The following CEP295NL variants were observed in gnomAD, a reference collection of about 807,000 sequenced individuals.
The protein encoded by CEP295NL is protein DDC8 homolog.
In CEP295NL, 3 loss-of-function variants were observed where a neutral mutation model predicts 4.6. That is an observed-to-expected ratio of 0.65 (90% CI 0.30 to 1.69). The LOEUF (loss-of-function observed/expected upper bound fraction) is 1.69, where lower values mean the gene tolerates loss of function less well. Among genes scored for constraint, CEP295NL ranks in the 40% most tolerant of loss-of-function variants. CEP295NL has a pLI of 0.10. For synonymous variants in CEP295NL, 295 were observed against 312.2 expected (o/e 0.94, Z 0.58); for missense variants, 719 against 769.0 (o/e 0.93, Z 0.77).
chr17:78,902,018 C>A, intron 1 of CEP295NL, 92 bp from the exon 2 acceptor site: 1 of 563,492 alleles, frequency 1.8e-6, no homozygotes, highest in Admixed American at 3.2e-5. Flanking sequence ...AAATACCCTC[C>A]ATGACACGCT....
rs1159726944 is a variant in CEP295NL at position 78,891,313 on chromosome 17, G to A, written c.1191C>T (p.Asp397=). Residue 397 remains aspartate, a synonymous_variant, in exon 3 of 3, where the codon GAC becomes GAT. Transcript: ENST00000322630. The surrounding 1 kb of genome is among the most constrained non-coding windows in gnomAD (Gnocchi z 4.5). ...AGTPRGKKMA[D]PEMLPAGEPR... is the part of the protein sequence containing the mutation. ...GTTCCCCGGCAGGCAGCATCTCTGGGTCTGCCATTTTCTTCCCTCTTGGGG... is the reference window on the plus strand; with the variant it reads ...GTTCCCCGGCAGGCAGCATCTCTGGATCTGCCATTTTCTTCCCTCTTGGGG... 4.5e-6 allele frequency: 7 copies of A among 1,550,326 alleles called. No homozygotes were observed. The highest frequency in any genetic ancestry group is 2.0e-5 in the Admixed American group (1 of 50,968).
At chr17:78,894,086 A>G (rs1385926254) in intron 2 of CEP295NL, among the ~76,000 whole-genome samples, 1 of 152,176 alleles carries the variant, frequency 6.6e-6, no homozygotes, top group Non-Finnish European at 1.5e-5. Context: ...GTCAGAAAAT[A>G]CTGCATCTAC....
At position 78,891,234 on chromosome 17, in the gene CEP295NL, T is replaced by A; in HGVS notation, c.1270A>T (p.Lys424Ter). The change falls in exon 3 of 3, where the codon AAA becomes TAA. Residue 424 changes from lysine (K) to a stop codon, truncating the protein, a stop_gained. Transcript: ENST00000322630. LOFTEE classifies it low-confidence loss of function (END_TRUNC). The surrounding 1 kb of genome is among the most constrained non-coding windows in gnomAD (Gnocchi z 4.5). ...AQQAASKTDL[K>*]TFMGKAQNQK... ...TTCTGGGCCTTGCCCATGAACGTTT[T>A]CAAGTCGGTCTTGGACGCTGCCTGC... The A allele has an allele frequency of 6.4e-7, 1 of 1,550,700 alleles. No individual in the cohort carries two copies. Among genetic ancestry groups the A allele is most frequent in the Non-Finnish European group, 8.7e-7 (1 of 1,147,016 alleles).
chr17:78,893,448 T>G (rs1255688996), intron 2 of CEP295NL, among the ~76,000 whole-genome samples: 1 of 141,888 alleles, frequency 7.0e-6, no homozygotes, highest in Non-Finnish European at 1.5e-5. Context: ...TGCGTGGGGC[T>G]GTGTGTGCAG....
intron 2 of CEP295NL, among the ~76,000 whole-genome samples, chr17:78,893,198 AGGATGTGTGTGCAT>A (rs2069933664): frequency 1.3e-5 from 1 of 77,936 alleles, no homozygotes; most frequent in African/African-American, 5.7e-5. Context: ...GGTGTGTGCA[AGGATGTGTGTGCAT>A]GTGTGTGCAG....
Position 78,890,840 on chromosome 17 carries a change from G to A in CEP295NL, c.1664C>T (p.Ser555Phe), listed in dbSNP as rs1682648535. The A allele has an allele frequency of 1.3e-6, 2 of 1,550,614 alleles. No individual in the cohort carries two copies. The highest frequency in any genetic ancestry group is 1.7e-6 in the Non-Finnish European group (2 of 1,147,014). ...CCTTTCCTGGGCTCTCGTGGAGGAG[G>A]ACTTCAGATGGGCCAGTCGAGCTCT... The part of the protein sequence containing the change: ...QRRARLAHLK[S>F]SSTRAQERER... Residue 555 changes from serine to phenylalanine, a missense_variant, in exon 3 of 3, where the codon TCC becomes TTC. Coordinates refer to ENST00000322630, the MANE Select transcript of CEP295NL (RefSeq NM_001243540.2).
At chr17:78,902,020 T>C (rs2070101006) in intron 1 of CEP295NL, 94 bp from the exon 2 acceptor site, 3 of 559,464 alleles carry the variant, frequency 5.4e-6, no homozygotes, top group Non-Finnish European at 6.4e-6. Flanking sequence ...ATACCCTCCA[T>C]GACACGCTGT....
Position 78,891,315 on chromosome 17 carries a change from C to T in CEP295NL, c.1189G>A (p.Asp397Asn). 1 of 1,550,428 alleles carries T rather than the reference C, an allele frequency of 6.4e-7. No homozygotes were observed. The highest frequency in any genetic ancestry group is 8.7e-7 in the Non-Finnish European group (1 of 1,146,952). ...AGTPRGKKMA[D>N]PEMLPAGEPR... The stretch of plus-strand genomic sequence containing the variant: ...TCCCCGGCAGGCAGCATCTCTGGGT[C>T]TGCCATTTTCTTCCCTCTTGGGGTC... The change falls in exon 3 of 3, where the codon GAC becomes AAC. Residue 397 changes from aspartate (D) to asparagine (N), a missense_variant. Transcript: ENST00000322630. The surrounding 1 kb of genome is among the most constrained non-coding windows in gnomAD (Gnocchi z 4.5).
intron 2 of CEP295NL, among the ~76,000 whole-genome samples, chr17:78,893,319 G>T: frequency 6.8e-6 from 1 of 146,948 alleles, no homozygotes; most frequent in Non-Finnish European, 1.5e-5. Flanking sequence ...ATGTGCAAGG[G>T]TGTGTGTGTC....
At position 78,891,355 on chromosome 17, in the gene CEP295NL, T is replaced by G. The variant is rs2069890368; in HGVS notation, c.1149A>C (p.Gln383His). 2 of 1,550,556 alleles carry G rather than the reference T, an allele frequency of 1.3e-6. No individual in the cohort carries two copies. Among genetic ancestry groups the G allele is most frequent in the South Asian group, 2.4e-5 (2 of 84,066 alleles). ...CTCTTGGGGTCCCAGCGCCACACTCTTGCATCTCTGAGAAGGCATGCCCTT... is the reference window on the plus strand; with the variant it reads ...CTCTTGGGGTCCCAGCGCCACACTCGTGCATCTCTGAGAAGGCATGCCCTT... ...PGEGHAFSEM[Q>H]ECGAGTPRGK... The change falls in exon 3 of 3, where the codon CAA becomes CAC. Residue 383 changes from glutamine to histidine, a missense_variant. By Grantham distance (24) the Gln-to-His change is conservative. Transcript: ENST00000322630. This position sits in a 1 kb window ranked among gnomAD's most constrained non-coding sequence, Gnocchi z 4.5.
intron 2 of CEP295NL, among the ~76,000 whole-genome samples, chr17:78,893,186 G>T (rs1230729118): frequency 7.5e-6 from 1 of 134,222 alleles, no homozygotes; most frequent in African/African-American, 3.0e-5. Context: ...TGTGTGTGCA[G>T]GGGTGTGTGC....
intron 2 of CEP295NL, chr17:78,897,001 T>C (rs1333813762): frequency 5.1e-6 from 5 of 985,328 alleles, no homozygotes; most frequent in Non-Finnish European, 6.0e-6. Context: ...CGCCTTTCCC[T>C]GGGCGGCCGC....
rs749136441 is a variant in CEP295NL at position 78,892,236 on chromosome 17, C to T, written c.268G>A (p.Asp90Asn). 2.6e-6 allele frequency: 4 copies of T among 1,550,980 alleles called. No homozygotes were observed. Among genetic ancestry groups the T allele is most frequent in the African/African-American group, 1.4e-5 (1 of 73,180 alleles). Reference protein sequence around the residue: ...HKLLQARGKGDLALQRRADAK... With the variant: ...HKLLQARGKGNLALQRRADAK... The stretch of plus-strand genomic sequence containing the variant: ...TCCGCTCTTCTCTGCAGAGCGAGAT[C>T]GCCTTTGCCCCGGGCTTGTAGCAAT... The change falls in exon 3 of 3, where the codon GAT (aspartate) becomes AAT (asparagine). Residue 90 changes from aspartate (D) to asparagine (N), a missense_variant. Asp to Asn is a conservative substitution (Grantham distance 23, BLOSUM62 1). Transcript: ENST00000322630.
In CEP295NL at chr17:78,894,830, C is replaced by A. The variant is rs60481020; in HGVS notation, c.45-2371G>T. Among the ~76,000 whole-genome samples, 324 of 151,666 alleles carry A rather than the reference C, an allele frequency of 2.1e-3. 5 individuals are homozygous for A. In the East Asian group the frequency reaches 0.052, roughly 24 times the overall value. On this transcript the variant is annotated intron_variant, in intron 2 of 2. Transcript: ENST00000322630. ...CATCAAAATTAAAAGAAAAAAAAAACCTTTGTGCTTCAAAAGGTACCATAA... is the reference window on the plus strand; with the variant it reads ...CATCAAAATTAAAAGAAAAAAAAAAACTTTGTGCTTCAAAAGGTACCATAA...
At chr17:78,898,347 CT>C (rs912545690) in intron 2 of CEP295NL, 1 of 152,290 alleles carries the variant, frequency 6.6e-6, no homozygotes, top group African/African-American at 2.4e-5. Context: ...AGGCAGGCCC[CT>C]GATCCAGGCT....
chr17:78,892,800 C>A (rs2069922120), intron 2 of CEP295NL, among the ~76,000 whole-genome samples: 1 of 152,116 alleles, frequency 6.6e-6, no homozygotes, highest in Non-Finnish European at 1.5e-5. Context: ...CTGCTGAATA[C>A]CCCACACTGC....
At chr17:78,893,250 T>C (rs1011482322) in intron 2 of CEP295NL, among the ~76,000 whole-genome samples, 26 of 137,976 alleles carry the variant, frequency 1.9e-4, no homozygotes, top group African/African-American at 6.7e-4. Context: ...TGTGTAGGAG[T>C]GTGTGTGCAG....
chr17:78,890,908 G>T lies in CEP295NL; in HGVS notation c.1596C>A (p.Ile532=). ...CTTTTTCTAGCTCAGCTTTGTAGTG[G>T]ATTTCCAAGCTCATATCTGGGTGTT... ...QMEHPDMSLE[I]HYKAELEKER... The change falls in exon 3 of 3, where the codon ATC becomes ATA. Residue 532 remains isoleucine, a synonymous_variant. Coordinates refer to ENST00000322630, the MANE Select transcript of CEP295NL (RefSeq NM_001243540.2). The T allele has an allele frequency of 1.9e-6, 3 of 1,550,744 alleles. No homozygotes were observed. Among genetic ancestry groups the T allele is most frequent in the Non-Finnish European group, 1.7e-6 (2 of 1,147,050 alleles).
At chr17:78,897,012 TCAGA>T (rs2070012008) in intron 2 of CEP295NL, 2 of 985,152 alleles carry the variant, frequency 2.0e-6, no homozygotes, top group South Asian at 9.4e-5. Context: ...GGGCGGCCGC[TCAGA>T]CAGCTTTTCA....
Sources: gnomAD v4.1 joint callset for allele counts (sites outside exome capture counted in the v4.1 genomes callset) on GRCh38, gnomAD v4.1.1 for gene constraint, Gnocchi (gnomAD v3.1) non-coding constraint, MANE v1.5 for transcripts, NCBI Gene and HGNC (gene_info 2026-07-23, HGNC 2026-07-21) for gene names.